Variants in PCDH9 observed in about 807,000 individuals in gnomAD.
PCDH9 encodes the protein protocadherin-9.
In PCDH9, 24 loss-of-function variants were observed where a neutral mutation model predicts 70.6. The ratio of observed to expected loss-of-function variants is 0.34; its 90% confidence interval spans 0.25 to 0.48. PCDH9 has a LOEUF of 0.48. Among genes scored for constraint, PCDH9 ranks in the 20% least tolerant of loss-of-function variants. The pLI is 0.99. For synonymous variants in PCDH9, 562 were observed against 558.5 expected (o/e 1.01, Z -0.09); for missense variants, 1,281 against 1,503.6 (o/e 0.85, Z 2.45).
chr13:67,087,243 G>A (rs1263652943), intron 2 of PCDH9, among the ~76,000 whole-genome samples: 1 of 151,848 alleles, frequency 6.6e-6, no homozygotes, highest in Non-Finnish European at 1.5e-5. Flanking sequence ...TTCAAAGAAG[G>A]GGCTTAACTG....
intron 2 of PCDH9, among the ~76,000 whole-genome samples, chr13:67,011,312 A>G (rs943250674): frequency 4.6e-5 from 7 of 151,916 alleles, no homozygotes; most frequent in African/African-American, 1.7e-4. Context: ...GAACAAAAAC[A>G]TTATTCAAAT....
intron 2 of PCDH9, among the ~76,000 whole-genome samples, chr13:67,037,652 T>G (rs149751674): frequency 1.4e-3 from 207 of 152,312 alleles, no homozygotes; most frequent in African/African-American, 4.7e-3. Flanking sequence ...TGACTGATAC[T>G]AGGATAGCTC....
intron 3 of PCDH9, among the ~76,000 whole-genome samples, chr13:66,652,917 G>C (rs764408849): frequency 3.3e-5 from 5 of 152,094 alleles, no homozygotes; most frequent in Non-Finnish European, 5.9e-5. Flanking sequence ...TTCAATAAAA[G>C]ATGCCATGAA....
At chr13:66,364,026 G>C (rs1956513992) in intron 4 of PCDH9, among the ~76,000 whole-genome samples, 1 of 152,002 alleles carries the variant, frequency 6.6e-6, no homozygotes, top group African/African-American at 2.4e-5. Flanking sequence ...ATGTTGGCAG[G>C]CACCTGTAAT....
At chr13:66,842,443 G>T (rs571778338) in intron 3 of PCDH9, among the ~76,000 whole-genome samples, 1 of 151,932 alleles carries the variant, frequency 6.6e-6, no homozygotes, top group Non-Finnish European at 1.5e-5. Context: ...TTCCTCTCTC[G>T]CCCTTTTCCT....
chr13:67,069,621 C>T (rs60172823), intron 2 of PCDH9, among the ~76,000 whole-genome samples: 6 of 152,222 alleles, frequency 3.9e-5, no homozygotes, highest in South Asian at 2.1e-4. Context: ...CTTGATCTCA[C>T]GCTAGTGCTT....
intron 4 of PCDH9, among the ~76,000 whole-genome samples, chr13:66,532,495 T>C (rs1407781914): frequency 3.3e-5 from 5 of 152,170 alleles, no homozygotes; most frequent in Admixed American, 2.0e-4. Context: ...TTCTTGGCAA[T>C]GAATCGAAAT....
At chr13:66,328,450 ATTAT>A (rs1955883265) in intron 4 of PCDH9, among the ~76,000 whole-genome samples, 1 of 152,192 alleles carries the variant, frequency 6.6e-6, no homozygotes, top group African/African-American at 2.4e-5. Context: ...GTATTAGCAT[ATTAT>A]TTATTTATTC....
At chr13:66,321,444 T>C (rs1955751674) in intron 4 of PCDH9, among the ~76,000 whole-genome samples, 1 of 151,982 alleles carries the variant, frequency 6.6e-6, no homozygotes, top group South Asian at 2.1e-4. Context: ...ATGATCAGTG[T>C]GATGCCAACA....
intron 4 of PCDH9, among the ~76,000 whole-genome samples, chr13:66,356,205 A>T (rs1956379257): frequency 6.6e-6 from 1 of 152,164 alleles, no homozygotes; most frequent in Admixed American, 6.6e-5. Context: ...AATATGTTTG[A>T]ATGGACACTT....
intron 2 of PCDH9, among the ~76,000 whole-genome samples, chr13:67,154,422 C>G (rs2087744251): frequency 6.6e-6 from 1 of 151,386 alleles, no homozygotes; most frequent in African/African-American, 2.4e-5. Flanking sequence ...TATGAAAATA[C>G]AAAAATTAGC....
intron 2 of PCDH9, among the ~76,000 whole-genome samples, chr13:66,926,343 T>C (rs1316292051): frequency 2.0e-5 from 3 of 151,948 alleles, no homozygotes; most frequent in African/African-American, 7.2e-5. Context: ...AGCACCTTAT[T>C]CACTACCCAA....
intron 3 of PCDH9, among the ~76,000 whole-genome samples, chr13:66,713,625 G>GTGTGTATATATATATATATATATATATA (rs1379996611): frequency 2.7e-5 from 3 of 110,012 alleles, no homozygotes; most frequent in African/African-American, 1.1e-4. Context: ...GTGTGTGTGT[G>GTGTGTATATATATATATATATATATATA]TATATATATA....
chr13:67,187,470 C>A (rs967132347), intron 2 of PCDH9, among the ~76,000 whole-genome samples: 1 of 152,048 alleles, frequency 6.6e-6, no homozygotes, highest in African/African-American at 2.4e-5. Flanking sequence ...CAGTAGAAGA[C>A]CTTCTAACAT....
At chr13:66,746,822 A>G (rs1176180258) in intron 3 of PCDH9, among the ~76,000 whole-genome samples, 1 of 152,176 alleles carries the variant, frequency 6.6e-6, no homozygotes, top group Non-Finnish European at 1.5e-5. Flanking sequence ...TGAAAAAGAA[A>G]TTAATATTTT....
chr13:66,351,900 C>A (rs1236327046), intron 4 of PCDH9, among the ~76,000 whole-genome samples: 1 of 151,074 alleles, frequency 6.6e-6, no homozygotes, highest in East Asian at 2.0e-4. Context: ...AGTGTAATGG[C>A]ATGATCTCAC....
intron 3 of PCDH9, among the ~76,000 whole-genome samples, chr13:66,793,573 A>G (rs2080194454): frequency 1.3e-5 from 2 of 152,162 alleles, no homozygotes; most frequent in Non-Finnish European, 2.9e-5. Flanking sequence ...ATTTATTTAT[A>G]ACTAGTGTCA....
intron 2 of PCDH9, among the ~76,000 whole-genome samples, chr13:66,989,516 T>C (rs1319118394): frequency 4.6e-5 from 7 of 151,950 alleles, no homozygotes; most frequent in Non-Finnish European, 7.4e-5. Flanking sequence ...AAGTAATGAA[T>C]GTCACTTCCT....
chr13:66,697,524 A>T, intron 3 of PCDH9, among the ~76,000 whole-genome samples: 1 of 152,210 alleles, frequency 6.6e-6, no homozygotes, highest in East Asian at 1.9e-4. Context: ...TTTTTAATTT[A>T]AGACTTATTT....
Sources: gnomAD v4.1 joint callset for allele counts (sites outside exome capture counted in the v4.1 genomes callset) on GRCh38, gnomAD v4.1.1 for gene constraint, MANE v1.5 for transcripts, NCBI Gene and HGNC (gene_info 2026-07-23, HGNC 2026-07-21) for gene names.